The following ZEB1 variants were observed in gnomAD, a reference collection of about 807,000 sequenced individuals.
The protein encoded by ZEB1 is zinc finger E-box-binding homeobox 1.
In ZEB1, 21 loss-of-function variants were observed where a neutral mutation model predicts 84.9. The observed-to-expected ratio is 0.25, with a 90% confidence interval of 0.18 to 0.36. ZEB1 has a LOEUF of 0.36. Among genes scored for constraint, ZEB1 ranks in the 10% least tolerant of loss-of-function variants. The pLI is 1.00. For missense variants in ZEB1, 1,104 were observed against 1,330.2 expected (o/e 0.83, Z 2.65); for synonymous variants, 420 against 471.1 (o/e 0.89, Z 1.41).
chr10:31,360,610 T>C (rs1466136392), intron 1 of ZEB1, among the ~76,000 whole-genome samples: 1 of 152,212 alleles, frequency 6.6e-6, no homozygotes, highest in African/African-American at 2.4e-5. Flanking sequence ...GTGGATCAGA[T>C]GAATAAAATG....
In ZEB1 at chr10:31,446,406, A is replaced by G. The variant is rs1323248041; in HGVS notation, c.59-14631A>G. 9.9e-5 allele frequency among the ~76,000 whole-genome samples: 15 copies of G among 151,060 alleles called. No homozygotes were observed. The South Asian group carries it at 2.5e-3, about 26-fold the overall frequency. ...TTTTTGAAGGGTTTTTTGTCTCTCT[A>G]TTTCCTTCAGTTCTGCTCTGATTTT... On this transcript the variant is annotated intron_variant, in intron 1 of 8. Transcript: ENST00000424869.
At chr10:31,320,127 G>C (rs868138019) in intron 1 of ZEB1, 9 of 151,888 alleles carry the variant, frequency 5.9e-5, no homozygotes, top group Non-Finnish European at 1.2e-4. Context: ...CCCCGGCCTG[G>C]GGACTCCGCG....
intron 1 of ZEB1, among the ~76,000 whole-genome samples, chr10:31,415,661 A>C (rs975292764): frequency 2.6e-5 from 4 of 152,120 alleles, no homozygotes; most frequent in African/African-American, 9.7e-5. Flanking sequence ...TTATAAATAC[A>C]GTTCGAAAGG....
At chr10:31,445,353 G>A (rs1398577619) in intron 1 of ZEB1, among the ~76,000 whole-genome samples, 6 of 149,222 alleles carry the variant, frequency 4.0e-5, no homozygotes, top group Admixed American at 1.3e-4. Flanking sequence ...CAATCATGTT[G>A]TCTGCAAACA....
intron 1 of ZEB1, among the ~76,000 whole-genome samples, chr10:31,450,436 A>T (rs1002005046): frequency 2.6e-5 from 4 of 151,956 alleles, no homozygotes; most frequent in African/African-American, 7.2e-5. Context: ...TAAATTTGTA[A>T]TTAACCATTT....
chr10:31,327,548 G>C (rs916777813), intron 1 of ZEB1, among the ~76,000 whole-genome samples: 1 of 152,148 alleles, frequency 6.6e-6, no homozygotes, highest in African/African-American at 2.4e-5. Context: ...CCTAATGGCA[G>C]ATTCCCAGAT....
At chr10:31,488,530 T>TA (rs2066049993) in intron 2 of ZEB1, among the ~76,000 whole-genome samples, 1 of 150,448 alleles carries the variant, frequency 6.6e-6, no homozygotes, top group African/African-American at 2.4e-5. Context: ...TTTTTTTTTT[T>TA]AATTTTATTG....
intron 1 of ZEB1, among the ~76,000 whole-genome samples, chr10:31,356,352 G>GTATA (rs3057777): frequency 0.064 from 9,404 of 146,962 alleles, 326 homozygotes; most frequent in African/African-American, 0.094. Flanking sequence ...TATATGATGT[G>GTATA]TATATATATA....
chr10:31,441,061 A>G (rs1175239864), intron 1 of ZEB1, among the ~76,000 whole-genome samples: 1 of 152,156 alleles, frequency 6.6e-6, no homozygotes. Flanking sequence ...AACTACTTTA[A>G]AGTTCATATG....
Position 31,407,557 on chromosome 10 carries a change from C to G in ZEB1, c.59-53480C>G, listed in dbSNP as rs554550969. On this transcript the variant is annotated intron_variant, in intron 1 of 8. Transcript: ENST00000424869. Reference sequence around the variant, plus strand: ...TGTGAATAATGCCGCAATAAACATACGTGTGCATGTGTCTTTATAGCAGCA... The same window carrying G: ...TGTGAATAATGCCGCAATAAACATAGGTGTGCATGTGTCTTTATAGCAGCA... 3.9e-5 allele frequency among the ~76,000 whole-genome samples: 6 copies of G among 152,004 alleles called. No individual in the cohort carries two copies. The East Asian group carries it at 1.2e-3, about 29-fold the overall frequency.
chr10:31,471,698 G>T (rs1175626465), intron 2 of ZEB1, among the ~76,000 whole-genome samples: 3 of 146,222 alleles, frequency 2.1e-5, no homozygotes, highest in Non-Finnish European at 4.5e-5. Flanking sequence ...ACTCAGCTCT[G>T]CACCAAGCAG....
chr10:31,390,714 A>G (rs1199287493), intron 1 of ZEB1, among the ~76,000 whole-genome samples: 1 of 152,152 alleles, frequency 6.6e-6, no homozygotes, highest in Non-Finnish European at 1.5e-5. Context: ...ACAAAATACA[A>G]GGCTACTGAA....
intron 1 of ZEB1, among the ~76,000 whole-genome samples, chr10:31,349,005 C>T (rs796182112): frequency 1.3e-5 from 2 of 152,092 alleles, no homozygotes; most frequent in South Asian, 2.1e-4. Flanking sequence ...CTATGATTTA[C>T]CATGGATCTC....
At chr10:31,433,592 A>T in intron 1 of ZEB1, among the ~76,000 whole-genome samples, 1 of 152,206 alleles carries the variant, frequency 6.6e-6, no homozygotes, top group East Asian at 1.9e-4. Context: ...TCCATAAGAC[A>T]TCTGTTATAC....
intron 1 of ZEB1, chr10:31,320,386 C>T (rs2033607927): frequency 2.0e-5 from 3 of 150,794 alleles, no homozygotes. Context: ...GCGCTTTTCT[C>T]TTTCGGTTTT....
chr10:31,410,403 T>C (rs2054015532), intron 1 of ZEB1, among the ~76,000 whole-genome samples: 1 of 152,212 alleles, frequency 6.6e-6, no homozygotes, highest in African/African-American at 2.4e-5. Flanking sequence ...GGATTCAGTT[T>C]GCCAATATTT....
chr10:31,439,873 T>G (rs989297936), intron 1 of ZEB1, among the ~76,000 whole-genome samples: 3 of 152,066 alleles, frequency 2.0e-5, no homozygotes, highest in African/African-American at 7.2e-5. Flanking sequence ...GGGCCTTGGA[T>G]TACAGTGAAT....
chr10:31,502,437 G>C lies in ZEB1; in HGVS notation c.412G>C (p.Val138Leu). 6.2e-7 allele frequency: 1 copy of C among 1,613,896 alleles called. No homozygotes were observed. Among genetic ancestry groups the C allele is most frequent in the Non-Finnish European group, 8.5e-7 (1 of 1,179,850 alleles). The change falls in exon 4 of 9, where the codon GTC becomes CTC. Residue 138 changes from valine to leucine, a missense_variant. Val to Leu is a conservative substitution (Grantham distance 32). Around this residue, in one of 7 missense-constraint regions of ZEB1, gnomAD observed 162 missense variants for 184.5 expected, o/e 0.88. Coordinates refer to ENST00000424869, the MANE Select transcript of ZEB1 (RefSeq NM_001174096.2). The part of the protein sequence containing the change: ...EEFLQQQDTA[V>L]IFPEAPEEDQ... Reference sequence around the variant, plus strand: ...GTTTCTACAACAACAAGACACTGCTGTCATTTTTCCTGAGGCACCTGAAGA... The same window carrying C: ...GTTTCTACAACAACAAGACACTGCTCTCATTTTTCCTGAGGCACCTGAAGA...
chr10:31,385,826 A>G (rs2048546555), intron 1 of ZEB1, among the ~76,000 whole-genome samples: 2 of 152,156 alleles, frequency 1.3e-5, no homozygotes, highest in African/African-American at 4.8e-5. Context: ...ACACCTGGCC[A>G]GCGTTTCTTC....
Sources: gnomAD v4.1 joint callset for allele counts (sites outside exome capture counted in the v4.1 genomes callset) on GRCh38, gnomAD v4.1.1 for gene constraint, gnomAD v4.1.1 regional missense constraint, MANE v1.5 for transcripts, NCBI Gene and HGNC (gene_info 2026-07-23, HGNC 2026-07-21) for gene names.